Variants in DGKB observed in about 807,000 individuals in gnomAD.
DGKB encodes the protein 90 kDa diacylglycerol kinase.
A neutral mutation model predicts 114.3 loss-of-function variants in DGKB; 67 were observed. That is an observed-to-expected ratio of 0.59 (90% confidence interval 0.48 to 0.72). DGKB has a LOEUF of 0.72. DGKB is among the 30% of genes least tolerant of loss of function. The pLI is 0.00. For synonymous variants in DGKB, 398 were observed against 323.1 expected (o/e 1.23, Z -2.49); for missense variants, 907 against 975.2 (o/e 0.93, Z 0.93).
intron 10 of DGKB, among the ~76,000 whole-genome samples, chr7:14,683,192 G>A (rs1345967582): frequency 6.6e-6 from 1 of 152,098 alleles, no homozygotes; most frequent in African/African-American, 2.4e-5. Context: ...TTTGCTAGAA[G>A]GAAGAGATCT....
At chr7:14,956,811 T>C (rs1786530282) in intron 1 of DGKB, among the ~76,000 whole-genome samples, 1 of 151,962 alleles carries the variant, frequency 6.6e-6, no homozygotes, top group Admixed American at 6.6e-5. Flanking sequence ...TTTTTGTTTG[T>C]ATCTGAAGTG....
chr7:14,933,175 A>C (rs932571662), intron 1 of DGKB, among the ~76,000 whole-genome samples: 3 of 152,160 alleles, frequency 2.0e-5, no homozygotes, highest in African/African-American at 7.2e-5. Flanking sequence ...CCCTTACAAT[A>C]AATCTTTGTT....
At chr7:14,205,321 T>A (rs1213818996) in intron 23 of DGKB, among the ~76,000 whole-genome samples, 1 of 151,858 alleles carries the variant, frequency 6.6e-6, no homozygotes, top group Non-Finnish European at 1.5e-5. Context: ...TGGTTCTACA[T>A]TGTTCTTGAG....
intron 14 of DGKB, among the ~76,000 whole-genome samples, chr7:14,622,202 TC>T (rs1284125791): frequency 6.6e-6 from 1 of 152,062 alleles, no homozygotes; most frequent in East Asian, 1.9e-4. Context: ...ACAGAATTGA[TC>T]TCTTCTTACT....
At chr7:14,162,276 A>G (rs560273801) in intron 25 of DGKB, among the ~76,000 whole-genome samples, 1 of 152,228 alleles carries the variant, frequency 6.6e-6, no homozygotes, top group Non-Finnish European at 1.5e-5. Context: ...AAACCTGTGC[A>G]TTATTATTCT....
chr7:14,158,881 A>G (rs939877033), intron 25 of DGKB, among the ~76,000 whole-genome samples: 1 of 152,200 alleles, frequency 6.6e-6, no homozygotes, highest in South Asian at 2.1e-4. Flanking sequence ...CTTATAACCA[A>G]TAATCTATTA....
intron 20 of DGKB, among the ~76,000 whole-genome samples, chr7:14,511,489 G>T (rs1389074976): frequency 6.6e-6 from 1 of 152,140 alleles, no homozygotes; most frequent in Non-Finnish European, 1.5e-5. Context: ...TCTGAATTAG[G>T]ATTTGACTTA....
At chr7:14,524,550 G>C (rs1052391410) in intron 20 of DGKB, among the ~76,000 whole-genome samples, 1 of 152,166 alleles carries the variant, frequency 6.6e-6, no homozygotes, top group African/African-American at 2.4e-5. Flanking sequence ...GAGGTCAGGA[G>C]TTTGAGACCA....
At chr7:14,695,176 T>C (rs954035464) in intron 8 of DGKB, among the ~76,000 whole-genome samples, 4 of 152,188 alleles carry the variant, frequency 2.6e-5, no homozygotes, top group South Asian at 2.1e-4. Context: ...TCAGGAAGTA[T>C]TGTATTTGAA....
chr7:14,223,980 T>C (rs1790395026), intron 23 of DGKB, among the ~76,000 whole-genome samples: 1 of 151,816 alleles, frequency 6.6e-6, no homozygotes. Context: ...TTTTCCAATG[T>C]CTCCAACATT....
At chr7:14,704,109 T>C (rs4721360) in intron 6 of DGKB, among the ~76,000 whole-genome samples, 88,335 of 151,566 alleles carry the variant, frequency 0.58, 26,527 homozygotes, top group East Asian at 0.87. Context: ...TTCTACATCT[T>C]TTCTTTTGAA....
chr7:14,849,562 A>C (rs555833843), intron 1 of DGKB, among the ~76,000 whole-genome samples: 22 of 152,264 alleles, frequency 1.4e-4, no homozygotes, highest in Admixed American at 3.9e-4. Context: ...TTATAAAATA[A>C]ATTTCTCTTT....
chr7:14,371,741 T>C (rs888580299), intron 21 of DGKB, among the ~76,000 whole-genome samples: 3 of 152,188 alleles, frequency 2.0e-5, no homozygotes, highest in Non-Finnish European at 4.4e-5. Flanking sequence ...AGTCATAAAT[T>C]CTTTCCCAAG....
chr7:14,838,639 C>G (rs540678547), intron 2 of DGKB, among the ~76,000 whole-genome samples: 1 of 152,194 alleles, frequency 6.6e-6, no homozygotes, highest in African/African-American at 2.4e-5. Flanking sequence ...TTCCAGTCGT[C>G]TTTCATGATC....
At chr7:14,825,439 G>A (rs566058081) in intron 2 of DGKB, among the ~76,000 whole-genome samples, 293 of 152,256 alleles carry the variant, frequency 1.9e-3, no homozygotes, top group Non-Finnish European at 3.3e-3. Flanking sequence ...TCCCATTGGG[G>A]ATGATGGGAG....
chr7:14,180,190 A>T (rs1440397732), intron 23 of DGKB, among the ~76,000 whole-genome samples: 6 of 152,152 alleles, frequency 3.9e-5, no homozygotes, highest in Non-Finnish European at 4.4e-5. Flanking sequence ...GCACGGCCTG[A>T]TTCCTAAATA....
At chr7:14,664,175 C>T (rs1161295723) in intron 13 of DGKB, among the ~76,000 whole-genome samples, 1 of 152,044 alleles carries the variant, frequency 6.6e-6, no homozygotes, top group Non-Finnish European at 1.5e-5. Context: ...CCCTGCACAT[C>T]AGTTGAGCCA....
intron 13 of DGKB, among the ~76,000 whole-genome samples, chr7:14,659,227 G>C (rs557040555): frequency 1.3e-5 from 2 of 152,082 alleles, no homozygotes; most frequent in Non-Finnish European, 2.9e-5. Context: ...AAGGGCTATG[G>C]TGCTGAACAT....
chr7:14,203,761 T>A (rs976608746), intron 23 of DGKB, among the ~76,000 whole-genome samples: 1 of 151,988 alleles, frequency 6.6e-6, no homozygotes, highest in Non-Finnish European at 1.5e-5. Flanking sequence ...ATAGGATAAC[T>A]GAGATCAAAG....
Sources: allele counts gnomAD v4.1 joint callset (sites outside exome capture counted in the v4.1 genomes callset), GRCh38; gene constraint gnomAD v4.1.1; transcripts MANE v1.5; gene names NCBI Gene and HGNC (gene_info 2026-07-23, HGNC 2026-07-21).